Variants in MACROD2 observed in about 807,000 individuals in gnomAD.
MACROD2 encodes the protein ADP-ribose glycohydrolase MACROD2.
A neutral mutation model predicts 70.4 loss-of-function variants in MACROD2; 36 were observed. The ratio of observed to expected loss-of-function variants is 0.51; its 90% CI spans 0.39 to 0.68. The LOEUF is 0.68. MACROD2 is among the 30% of genes least tolerant of loss of function. The pLI is 0.00. For missense variants in MACROD2, 496 were observed against 538.4 expected (o/e 0.92, Z 0.78); for synonymous variants, 172 against 178.8 (o/e 0.96, Z 0.30).
At position 15,108,001 on chromosome 20, in the gene MACROD2, A is replaced by AT. The variant is rs1421253305; in HGVS notation, c.419-121932dup. ...GCAAGCTCTTTTTTTTTTTTTTTAC[A>AT]TTTTTTTATTATTTTTTTAAAAATC... On this transcript the variant is annotated intron_variant, in intron 5 of 17. Transcript: ENST00000684519. Among the ~76,000 whole-genome samples, 6 of 140,786 alleles carry AT rather than the reference A, an allele frequency of 4.3e-5. No homozygotes were observed. The East Asian group carries it at 8.0e-4, about 19-fold the overall frequency. The allele number at this position is 140,786 out of a possible 152,430, so 92.4% of individuals were successfully genotyped here.
intron 8 of MACROD2, among the ~76,000 whole-genome samples, chr20:15,603,976 T>C (rs777129157): frequency 8.5e-5 from 13 of 152,222 alleles, no homozygotes; most frequent in Non-Finnish European, 1.6e-4. Flanking sequence ...TATTCCTTGT[T>C]ATTTCCAAGC....
At chr20:14,816,210 G>A (rs1472237010) in intron 5 of MACROD2, among the ~76,000 whole-genome samples, 2 of 151,940 alleles carry the variant, frequency 1.3e-5, no homozygotes, top group Admixed American at 1.3e-4. Context: ...TGGAAGGAGA[G>A]TTTATCAAAA....
intron 5 of MACROD2, among the ~76,000 whole-genome samples, chr20:14,704,801 T>C (rs987076767): frequency 1.3e-5 from 2 of 152,278 alleles, no homozygotes; most frequent in Admixed American, 1.3e-4. Flanking sequence ...CACATATGAT[T>C]ATATGCGTGT....
chr20:14,902,141 T>G (rs1031476361), intron 5 of MACROD2, among the ~76,000 whole-genome samples: 2 of 152,340 alleles, frequency 1.3e-5, no homozygotes, highest in East Asian at 3.9e-4. Flanking sequence ...AAAATGCTTT[T>G]GTAAATGCAA....
intron 3 of MACROD2, among the ~76,000 whole-genome samples, chr20:14,317,002 A>G (rs1231685354): frequency 6.6e-6 from 1 of 152,150 alleles, no homozygotes; most frequent in Non-Finnish European, 1.5e-5. Context: ...GCTAGAATGA[A>G]GTTCAGACTC....
chr20:14,745,347 G>A (rs774219460), intron 5 of MACROD2, among the ~76,000 whole-genome samples: 5 of 152,176 alleles, frequency 3.3e-5, no homozygotes, highest in Non-Finnish European at 7.3e-5. Context: ...AGGCCTATAT[G>A]AGTATGGTAG....
chr20:15,891,291 G>A lies in MACROD2; in HGVS notation c.775+5480G>A, dbSNP rs575628056. ...CCTAGCAGTGATTGAGGAACACAAA[G>A]GGAAAGGAAACTGACAAAGCTAGAG... On this transcript the variant is annotated intron_variant, in intron 10 of 17. Transcript: ENST00000684519. Among the ~76,000 whole-genome samples the A allele has an allele frequency of 5.8e-4, 88 of 152,294 alleles. 1 individual carries two copies. In the Middle Eastern group the frequency reaches 0.014, roughly 24 times the overall value.
intron 2 of MACROD2, among the ~76,000 whole-genome samples, chr20:14,035,643 G>A (rs536270265): frequency 6.6e-6 from 1 of 152,260 alleles, no homozygotes; most frequent in Non-Finnish European, 1.5e-5. Flanking sequence ...TTCTGAGTTC[G>A]TGGAAAATTT....
rs1357981678 is a variant in MACROD2 at position 14,065,082 on chromosome 20, TG to T, written c.164-20538del. Among the ~76,000 whole-genome samples the T allele has an allele frequency of 2.0e-5, 3 of 152,338 alleles. No individual in the cohort carries two copies. The East Asian group carries it at 5.8e-4, about 29-fold the overall frequency. ...AAGAACAAATAGTTCCTGAACTCAG[TG>T]TGTCAGTTCAACCTCTGCACCTTTG... On this transcript the variant is annotated intron_variant, in intron 2 of 17. Transcript: ENST00000684519.
At chr20:14,381,425 A>G (rs537250153) in intron 3 of MACROD2, among the ~76,000 whole-genome samples, 14 of 152,298 alleles carry the variant, frequency 9.2e-5, no homozygotes, top group Admixed American at 8.5e-4. Flanking sequence ...AAAATTTCCA[A>G]TGAAAATATG....
At chr20:16,020,811 A>G (rs979019042) in intron 15 of MACROD2, among the ~76,000 whole-genome samples, 1 of 152,000 alleles carries the variant, frequency 6.6e-6, no homozygotes, top group Non-Finnish European at 1.5e-5. Context: ...GTTAACTCAA[A>G]GCCTCGCTCG....
At chr20:15,515,157 C>A (rs1482826198) in intron 8 of MACROD2, among the ~76,000 whole-genome samples, 1 of 152,174 alleles carries the variant, frequency 6.6e-6, no homozygotes, top group African/African-American at 2.4e-5. Flanking sequence ...CAAATGGGAC[C>A]TTTTATTATC....
intron 3 of MACROD2, among the ~76,000 whole-genome samples, chr20:14,216,988 A>C: frequency 6.6e-6 from 1 of 152,048 alleles, no homozygotes; most frequent in East Asian, 1.9e-4. Flanking sequence ...ACCAATTTGG[A>C]TGCCTTTTAT....
At chr20:15,801,460 T>C (rs989316362) in intron 8 of MACROD2, among the ~76,000 whole-genome samples, 13 of 149,466 alleles carry the variant, frequency 8.7e-5, no homozygotes, top group Admixed American at 8.0e-4. Context: ...CCAGAATGCT[T>C]TAATAAATTA....
At position 14,393,698 on chromosome 20, in the gene MACROD2, C is replaced by T. The variant is rs80067472; in HGVS notation, c.272-99781C>T. On this transcript the variant is annotated intron_variant, in intron 3 of 17. Transcript: ENST00000684519. ...AATTTCTTACAGTTTTATATCATGG[C>T]TTAGTCTCATTATTGCTTGCCATAT... Among the ~76,000 whole-genome samples, 121 of 152,138 alleles carry T rather than the reference C, an allele frequency of 8.0e-4. No individual in the cohort carries two copies. The East Asian group carries it at 0.018, about 23-fold the overall frequency.
chr20:14,500,245 T>G (rs1161929934), intron 4 of MACROD2, among the ~76,000 whole-genome samples: 1 of 152,222 alleles, frequency 6.6e-6, no homozygotes, highest in Non-Finnish European at 1.5e-5. Flanking sequence ...GTGAAAAGTG[T>G]TAGGGCAGAA....
At chr20:15,920,937 T>C (rs2065394892) in intron 10 of MACROD2, among the ~76,000 whole-genome samples, 1 of 152,202 alleles carries the variant, frequency 6.6e-6, no homozygotes, top group African/African-American at 2.4e-5. Flanking sequence ...AGCCAGTTGG[T>C]TCAATCTCTT....
chr20:15,157,703 C>T (rs1422150320), intron 5 of MACROD2, among the ~76,000 whole-genome samples: 26 of 152,126 alleles, frequency 1.7e-4, no homozygotes, highest in Admixed American at 1.7e-3. Context: ...TGAATTGTAT[C>T]ACCTGGGCTA....
intron 7 of MACROD2, among the ~76,000 whole-genome samples, chr20:15,482,662 G>C (rs543092239): frequency 6.6e-6 from 1 of 152,172 alleles, no homozygotes; most frequent in Non-Finnish European, 1.5e-5. Context: ...CTAAAGGGCT[G>C]TAACATTTTG....
Sources: gnomAD v4.1 joint callset for allele counts (sites outside exome capture counted in the v4.1 genomes callset) on GRCh38, gnomAD v4.1.1 for gene constraint, MANE v1.5 for transcripts, NCBI Gene and HGNC (gene_info 2026-07-23, HGNC 2026-07-21) for gene names.